Variants in GRM3 observed in about 807,000 individuals in gnomAD.
The protein encoded by GRM3 is glutamate metabotropic receptor 3.
A neutral mutation model predicts 70.5 loss-of-function variants in GRM3; 26 were observed. The ratio of observed to expected loss-of-function variants is 0.37; its 90% CI spans 0.27 to 0.51. GRM3 has a LOEUF of 0.51. GRM3 is among the 20% of genes least tolerant of loss of function. The pLI is 0.93. For missense variants in GRM3, 859 were observed against 1,123.8 expected (o/e 0.76, Z 3.37); for synonymous variants, 443 against 434.9 (o/e 1.02, Z -0.23).
chr7:86,861,214 T>G (rs959624790), intron 5 of GRM3, among the ~76,000 whole-genome samples: 1 of 152,232 alleles, frequency 6.6e-6, no homozygotes, highest in Non-Finnish European at 1.5e-5. Flanking sequence ...ATAGGCTTCA[T>G]GTTTGCTGGT....
chr7:86,845,727 A>C (rs1798642634), intron 4 of GRM3, among the ~76,000 whole-genome samples: 1 of 152,168 alleles, frequency 6.6e-6, no homozygotes. Context: ...TTGCCAATAA[A>C]TAAGACACAT....
chr7:86,785,396 T>C (rs2250784), intron 2 of GRM3, among the ~76,000 whole-genome samples: 62,833 of 151,966 alleles, frequency 0.41, 15,944 homozygotes, highest in African/African-American at 0.73. Context: ...TAAATAAAAA[T>C]GATAAATATT....
At chr7:86,805,279 T>G (rs1797766623) in intron 3 of GRM3, among the ~76,000 whole-genome samples, 3 of 152,072 alleles carry the variant, frequency 2.0e-5, no homozygotes, top group Admixed American at 2.0e-4. Flanking sequence ...AAAACTAGAC[T>G]TTATTTTTTT....
intron 1 of GRM3, among the ~76,000 whole-genome samples, chr7:86,749,389 G>C (rs573006987): frequency 6.6e-6 from 1 of 151,990 alleles, no homozygotes; most frequent in Non-Finnish European, 1.5e-5. Flanking sequence ...GCTACATTTC[G>C]CAGGAATTGC....
chr7:86,773,255 T>C (rs2116457615), intron 2 of GRM3, among the ~76,000 whole-genome samples: 1 of 152,170 alleles, frequency 6.6e-6, no homozygotes, highest in South Asian at 2.1e-4. Flanking sequence ...CATTGGGTTA[T>C]TGTGGGAATT....
intron 4 of GRM3, among the ~76,000 whole-genome samples, chr7:86,840,469 A>G (rs1410270535): frequency 6.6e-6 from 1 of 152,152 alleles, no homozygotes. Flanking sequence ...ATGTACATAT[A>G]TATTTTTCTT....
At chr7:86,723,227 T>TAA (rs61660393) in intron 1 of GRM3, among the ~76,000 whole-genome samples, 2,661 of 151,468 alleles carry the variant, frequency 0.018, 69 homozygotes, top group African/African-American at 0.059. Context: ...TCTACATCCA[T>TAA]AAAAAAAATA....
chr7:86,792,737 T>C (rs954048338), intron 3 of GRM3, among the ~76,000 whole-genome samples: 2 of 152,178 alleles, frequency 1.3e-5, no homozygotes, highest in Admixed American at 6.5e-5. Context: ...TTCTAAAGTA[T>C]AAAAGCATGA....
In GRM3 at chr7:86,770,461, A is replaced by C. The variant is rs188030792; in HGVS notation, c.468+4848A>C. 2.0e-5 allele frequency among the ~76,000 whole-genome samples: 3 copies of C among 152,200 alleles called. No individual in the cohort carries two copies. In the East Asian group the frequency reaches 5.8e-4, roughly 29 times the overall value. On this transcript the variant is annotated intron_variant, in intron 2 of 5. Coordinates refer to ENST00000361669, the MANE Select transcript of GRM3 (RefSeq NM_000840.3). ...ACATAGTATAACATGACATGACATG[A>C]CATGCATTGTTCACATTGTACCCCT...
chr7:86,691,506 T>C (rs1794695466), intron 1 of GRM3, among the ~76,000 whole-genome samples: 1 of 152,204 alleles, frequency 6.6e-6, no homozygotes, highest in East Asian at 1.9e-4. Context: ...AAATAGGGCA[T>C]ATAGGAAAGG....
chr7:86,784,164 A>C (rs958436233), intron 2 of GRM3: 1 of 152,038 alleles, frequency 6.6e-6, no homozygotes, highest in Non-Finnish European at 1.5e-5. Context: ...TTATTCTCGT[A>C]CATCCTGGAG....
At chr7:86,814,187 T>G (rs1053824549) in intron 3 of GRM3, among the ~76,000 whole-genome samples, 1 of 151,878 alleles carries the variant, frequency 6.6e-6, no homozygotes, top group African/African-American at 2.4e-5. Flanking sequence ...CTCCTGTATA[T>G]GCAGTCTCCA....
intron 1 of GRM3, among the ~76,000 whole-genome samples, chr7:86,663,700 T>G (rs570877166): frequency 3.0e-4 from 46 of 152,122 alleles, no homozygotes; most frequent in African/African-American, 1.1e-3. Flanking sequence ...AAGAAGTTTG[T>G]AAGATTTTAG....
At chr7:86,695,269 G>A (rs1794789240) in intron 1 of GRM3, among the ~76,000 whole-genome samples, 1 of 152,084 alleles carries the variant, frequency 6.6e-6, no homozygotes, top group African/African-American at 2.4e-5. Context: ...ATTTTAGAAA[G>A]GTGTTCATTA....
intron 1 of GRM3, among the ~76,000 whole-genome samples, chr7:86,721,979 G>C (rs1010922522): frequency 6.6e-6 from 1 of 152,058 alleles, no homozygotes; most frequent in African/African-American, 2.4e-5. Context: ...AAGTTGAGAA[G>C]GTCAAGGCTC....
At chr7:86,670,707 A>G (rs1794149354) in intron 1 of GRM3, among the ~76,000 whole-genome samples, 1 of 151,962 alleles carries the variant, frequency 6.6e-6, no homozygotes, top group Admixed American at 6.6e-5. Context: ...CTAGGCTTCC[A>G]CTCTAATTTT....
At chr7:86,812,363 G>T (rs1797926682) in intron 3 of GRM3, among the ~76,000 whole-genome samples, 1 of 151,698 alleles carries the variant, frequency 6.6e-6, no homozygotes, top group Non-Finnish European at 1.5e-5. Flanking sequence ...CTATGAAATT[G>T]TACAGATGTG....
At chr7:86,723,026 A>G (rs1480236249) in intron 1 of GRM3, among the ~76,000 whole-genome samples, 1 of 152,090 alleles carries the variant, frequency 6.6e-6, no homozygotes, top group Non-Finnish European at 1.5e-5. Flanking sequence ...GCCCCAAATG[A>G]TATAAATATT....
intron 3 of GRM3, 42 bp downstream of exon 3, chr7:86,787,158 G>C: frequency 6.6e-7 from 1 of 1,514,384 alleles, no homozygotes; most frequent in Non-Finnish European, 8.9e-7. Context: ...ATGCAAACAA[G>C]TGAAATAAAA....
Sources: gnomAD v4.1 joint callset for allele counts (sites outside exome capture counted in the v4.1 genomes callset) on GRCh38, gnomAD v4.1.1 for gene constraint, MANE v1.5 for transcripts, NCBI Gene and HGNC (gene_info 2026-07-23, HGNC 2026-07-21) for gene names.